The following AOAH variants were observed in gnomAD, a reference collection of about 807,000 sequenced individuals.
The protein encoded by AOAH is acyloxyacyl hydrolase (neutrophil).
A neutral mutation model predicts 92.2 loss-of-function variants in AOAH; 64 were observed. That is an observed-to-expected ratio of 0.69 (90% CI 0.57 to 0.86). The LOEUF (loss-of-function observed/expected upper bound fraction) is 0.86, where lower values mean the gene tolerates loss of function less well. Ranked by LOEUF, AOAH falls within the 40% of genes least tolerant of loss-of-function variation. The probability of loss-of-function intolerance (pLI) is 0.00; values close to 1 mark genes in which losing one functional copy is unlikely to be tolerated. For missense variants in AOAH, 656 were observed against 694.6 expected (o/e 0.94, Z 0.62); for synonymous variants, 263 against 254.5 (o/e 1.03, Z -0.32).
At chr7:36,546,175 A>G (rs1562555007) in intron 15 of AOAH, among the ~76,000 whole-genome samples, 1 of 152,242 alleles carries the variant, frequency 6.6e-6, no homozygotes, top group South Asian at 2.1e-4. Flanking sequence ...ATGAGTTTAG[A>G]GAATTGAGAA....
intron 2 of AOAH, among the ~76,000 whole-genome samples, chr7:36,685,640 T>G (rs537994812): frequency 2.0e-5 from 3 of 152,288 alleles, no homozygotes; most frequent in African/African-American, 7.2e-5. Flanking sequence ...CCCATTAAGT[T>G]CATGTGAAGG....
intron 11 of AOAH, among the ~76,000 whole-genome samples, chr7:36,604,480 G>T (rs951929211): frequency 6.6e-6 from 1 of 152,140 alleles, no homozygotes; most frequent in Non-Finnish European, 1.5e-5. Flanking sequence ...GCATAGGGCT[G>T]CCCAGCCAGG....
At chr7:36,637,558 AG>A (rs957877412) in intron 5 of AOAH, among the ~76,000 whole-genome samples, 40 of 151,978 alleles carry the variant, frequency 2.6e-4, no homozygotes, top group Non-Finnish European at 8.8e-5. Context: ...GGCATCTAGT[AG>A]GTAGAAGCCA....
intron 2 of AOAH, among the ~76,000 whole-genome samples, chr7:36,682,580 A>G (rs1796720575): frequency 6.6e-6 from 1 of 152,180 alleles, no homozygotes; most frequent in South Asian, 2.1e-4. Context: ...TTATTTTAAA[A>G]TGAGCTAAGA....
chr7:36,714,399 C>G (rs1444050405), intron 1 of AOAH, among the ~76,000 whole-genome samples: 1 of 152,158 alleles, frequency 6.6e-6, no homozygotes, highest in Non-Finnish European at 1.5e-5. Context: ...ACCAGAGGTA[C>G]GAGGAGGAAC....
chr7:36,691,070 T>C (rs930724563), intron 1 of AOAH, among the ~76,000 whole-genome samples: 3 of 152,402 alleles, frequency 2.0e-5, no homozygotes, highest in Middle Eastern at 3.4e-3. Context: ...ACAGTCAGCA[T>C]GACTATACTT....
chr7:36,576,498 A>C (rs2116634963), intron 13 of AOAH, 76 bp downstream of exon 13: 1 of 827,264 alleles, frequency 1.2e-6, no homozygotes, highest in East Asian at 2.8e-5. Flanking sequence ...TCTGAATCTC[A>C]GCTTTTGAGG....
intron 14 of AOAH, among the ~76,000 whole-genome samples, chr7:36,549,052 C>A (rs1204264062): frequency 1.3e-5 from 2 of 152,210 alleles, no homozygotes; most frequent in African/African-American, 2.4e-5. Context: ...AACCTGGCAG[C>A]CGTGGACCCA....
At chr7:36,616,830 C>T (rs73340172) in intron 10 of AOAH, among the ~76,000 whole-genome samples, 4,858 of 152,270 alleles carry the variant, frequency 0.032, 268 homozygotes, top group African/African-American at 0.11. Context: ...AACACACCAA[C>T]GTCCATTACA....
Position 36,653,998 on chromosome 7 carries a change from C to T in AOAH, c.390+5168G>A, listed in dbSNP as rs527367878. Among the ~76,000 whole-genome samples the T allele has an allele frequency of 1.5e-3, 221 of 152,212 alleles. 1 individual carries two copies. The highest frequency in any genetic ancestry group is 5.2e-3 in the African/African-American group (216 of 41,504). ...GCTTTAAAGAACCACTGGATACACACGAATAAGTTGCATTCGGTTTTCAAT... is the reference window on the plus strand; with the variant it reads ...GCTTTAAAGAACCACTGGATACACATGAATAAGTTGCATTCGGTTTTCAAT... On this transcript the variant is annotated intron_variant, in intron 4 of 20. Coordinates refer to ENST00000617537, the MANE Select transcript of AOAH (RefSeq NM_001637.4).
chr7:36,714,996 G>A lies in AOAH; in HGVS notation c.127+9026C>T, dbSNP rs1315730914. ...TGGCCAGCGCAATCAGGCAGGAGAAGGAAATAAAGGGCATTCAATTAGGAA... is the reference window on the plus strand; with the variant it reads ...TGGCCAGCGCAATCAGGCAGGAGAAAGAAATAAAGGGCATTCAATTAGGAA... On this transcript the variant is annotated intron_variant, in intron 1 of 20. Coordinates refer to ENST00000617537, the MANE Select transcript of AOAH (RefSeq NM_001637.4). Among the ~76,000 whole-genome samples the A allele has an allele frequency of 2.0e-5, 3 of 152,048 alleles. No individual in the cohort carries two copies. In the South Asian group the frequency reaches 6.2e-4, roughly 31 times the overall value.
intron 1 of AOAH, among the ~76,000 whole-genome samples, chr7:36,707,994 C>T (rs1045521520): frequency 1.3e-5 from 2 of 151,912 alleles, no homozygotes; most frequent in Non-Finnish European, 2.9e-5. Context: ...AGTCTTGTTA[C>T]GTTGCCCAGG....
chr7:36,553,741 T>G (rs1192303980), intron 13 of AOAH, among the ~76,000 whole-genome samples: 2 of 152,122 alleles, frequency 1.3e-5, no homozygotes, highest in African/African-American at 4.8e-5. Flanking sequence ...TGGTCAGTGA[T>G]GAGCATTTTT....
intron 16 of AOAH, among the ~76,000 whole-genome samples, chr7:36,537,140 C>T (rs1225255501): frequency 6.6e-6 from 1 of 151,874 alleles, no homozygotes; most frequent in African/African-American, 2.4e-5. Context: ...AATTTATTTC[C>T]CATGGCAACC....
intron 4 of AOAH, among the ~76,000 whole-genome samples, chr7:36,640,612 C>T (rs561922084): frequency 4.1e-4 from 63 of 152,234 alleles, no homozygotes; most frequent in African/African-American, 1.4e-3. Context: ...TTTGTCTCGG[C>T]GGCACTCACC....
chr7:36,679,081 A>G (rs150118919), intron 2 of AOAH, among the ~76,000 whole-genome samples: 90 of 152,282 alleles, frequency 5.9e-4, no homozygotes, highest in Non-Finnish European at 3.7e-4. Context: ...AATAAGACCA[A>G]TTAAGTAGTT....
chr7:36,697,390 C>T (rs1797788742), intron 1 of AOAH, among the ~76,000 whole-genome samples: 1 of 152,152 alleles, frequency 6.6e-6, no homozygotes. Flanking sequence ...AGGATAGACT[C>T]TACTTGGTCA....
In AOAH at chr7:36,578,939, A is replaced by G. The variant is rs144151145; in HGVS notation, c.939-2283T>C. Reference sequence around the variant, plus strand: ...CAGCATCTGTTTCTGGGGAGGTCTCAGGAAGCTTCTAATCATGGCAGAAGG... The same window carrying G: ...CAGCATCTGTTTCTGGGGAGGTCTCGGGAAGCTTCTAATCATGGCAGAAGG... On this transcript the variant is annotated intron_variant, in intron 12 of 20. Coordinates refer to ENST00000617537, the MANE Select transcript of AOAH (RefSeq NM_001637.4). 4.4e-3 allele frequency among the ~76,000 whole-genome samples: 665 copies of G among 152,276 alleles called. 5 individuals carry two copies. Among genetic ancestry groups the G allele is most frequent in the African/African-American group, 0.015 (619 of 41,550 alleles).
chr7:36,637,799 G>A, intron 5 of AOAH, 52 bp downstream of exon 5: 1 of 1,549,418 alleles, frequency 6.5e-7, no homozygotes, highest in Non-Finnish European at 8.9e-7. Flanking sequence ...CGGGGCCAGT[G>A]AGAGAGGACA....
Sources: gnomAD v4.1 joint callset for allele counts (sites outside exome capture counted in the v4.1 genomes callset) on GRCh38, gnomAD v4.1.1 for gene constraint, MANE v1.5 for transcripts, NCBI Gene and HGNC (gene_info 2026-07-23, HGNC 2026-07-21) for gene names.